Variants in KCNC2 observed in about 807,000 individuals in gnomAD.
KCNC2 encodes the protein potassium voltage-gated channel subfamily C member 2.
In KCNC2, 21 loss-of-function variants were observed where a neutral mutation model predicts 44.5. The ratio of observed to expected loss-of-function variants is 0.47; its 90% CI spans 0.33 to 0.68. The LOEUF is 0.68. KCNC2 is among the 30% of genes least tolerant of loss of function. The pLI, the probability that KCNC2 is intolerant of heterozygous loss-of-function variation, is 0.01. For synonymous variants in KCNC2, 391 were observed against 339.1 expected (o/e 1.15, Z -1.68); for missense variants, 589 against 826.2 (o/e 0.71, Z 3.52).
chr12:75,153,983 C>T (rs549044952), intron 2 of KCNC2, among the ~76,000 whole-genome samples: 1 of 151,860 alleles, frequency 6.6e-6, no homozygotes, highest in African/African-American at 2.4e-5. Flanking sequence ...ATTCTGCGTA[C>T]TTATTGAAAA....
chr12:75,100,051 G>A (rs1277669173), intron 2 of KCNC2, among the ~76,000 whole-genome samples: 1 of 152,056 alleles, frequency 6.6e-6, no homozygotes, highest in Admixed American at 6.6e-5. Context: ...CCTGAGTGGG[G>A]CTTTTACTCC....
At position 75,201,262 on chromosome 12, in the gene KCNC2, G is replaced by GAAAAAAA. The variant is rs1313998973; in HGVS notation, c.687+6028_687+6034dup. ...GGGCAGAAAGTTACAAACGAAATTGGAAAAAAAAAAAAAAAAAAAAAAAAA... is the reference window on the plus strand; with the variant it reads ...GGGCAGAAAGTTACAAACGAAATTGGAAAAAAAAAAAAAAAAAAAAAAAAAAAAAAAA... On this transcript the variant is annotated intron_variant, in intron 2 of 4. Transcript: ENST00000549446. Among the ~76,000 whole-genome samples the GAAAAAAA allele has an allele frequency of 2.1e-3, 39 of 18,462 alleles. 9 individuals carry two copies. Among genetic ancestry groups the GAAAAAAA allele is most frequent in the Non-Finnish European group, 3.2e-3 (32 of 9,910 alleles). 12.1% of individuals were successfully genotyped at this position (18,462 alleles called of 152,430 possible). A position where few individuals can be genotyped will look rare whatever the true frequency, so the allele number is the denominator to read the frequency against.
At chr12:75,065,221 C>T (rs192432685) in intron 2 of KCNC2, among the ~76,000 whole-genome samples, 17 of 152,070 alleles carry the variant, frequency 1.1e-4, no homozygotes, top group African/African-American at 4.1e-4. Flanking sequence ...AAGGGTAACA[C>T]AAGACAGAAT....
intron 2 of KCNC2, among the ~76,000 whole-genome samples, chr12:75,129,959 C>T (rs1888712136): frequency 6.6e-6 from 1 of 152,286 alleles, no homozygotes; most frequent in African/African-American, 2.4e-5. Context: ...CCATATAACA[C>T]TACCTGAATT....
chr12:75,134,233 TAAAA>T (rs929892048), intron 2 of KCNC2, among the ~76,000 whole-genome samples: 1 of 151,776 alleles, frequency 6.6e-6, no homozygotes. Context: ...TAAAAAAAGT[TAAAA>T]AAATTAAAGC....
At chr12:75,206,491 C>T (rs956721093) in intron 2 of KCNC2, among the ~76,000 whole-genome samples, 3 of 152,134 alleles carry the variant, frequency 2.0e-5, no homozygotes, top group African/African-American at 7.2e-5. Context: ...AACACTGAGG[C>T]TGAAATCACA....
intron 2 of KCNC2, among the ~76,000 whole-genome samples, chr12:75,204,513 A>AT (rs2031532899): frequency 6.6e-6 from 1 of 152,084 alleles, no homozygotes; most frequent in Non-Finnish European, 1.5e-5. Context: ...GAGAGTTAAA[A>AT]TTTTTTGTGT....
At chr12:75,202,814 A>G (rs1296642378) in intron 2 of KCNC2, among the ~76,000 whole-genome samples, 1 of 151,200 alleles carries the variant, frequency 6.6e-6, no homozygotes, top group African/African-American at 2.4e-5. Flanking sequence ...TTTTAGGAAA[A>G]TGTATTTTTA....
chr12:75,044,502 T>C (rs1002907629), intron 4 of KCNC2: 2 of 151,984 alleles, frequency 1.3e-5, no homozygotes, highest in African/African-American at 4.8e-5. Flanking sequence ...TTCAATCTTT[T>C]CATGGAACTT....
At chr12:75,088,622 A>G (rs909328200) in intron 2 of KCNC2, among the ~76,000 whole-genome samples, 2 of 151,970 alleles carry the variant, frequency 1.3e-5, no homozygotes, top group Non-Finnish European at 2.9e-5. Context: ...AACTTGGGTG[A>G]TAAATTATAT....
chr12:75,079,852 C>T (rs1345998648), intron 2 of KCNC2, among the ~76,000 whole-genome samples: 1 of 152,104 alleles, frequency 6.6e-6, no homozygotes, highest in Non-Finnish European at 1.5e-5. Context: ...GATAGCATGT[C>T]TCTTTGGTAC....
At chr12:75,130,117 C>A (rs1405698723) in intron 2 of KCNC2, among the ~76,000 whole-genome samples, 1 of 151,686 alleles carries the variant, frequency 6.6e-6, no homozygotes, top group African/African-American at 2.4e-5. Flanking sequence ...GGTCCTGTAC[C>A]CCAATCTAAA....
chr12:75,075,029 GATGAAAGTTTCATGTGGAGAAGTAGAGGA>G (rs1883792233), intron 2 of KCNC2, among the ~76,000 whole-genome samples: 1 of 152,122 alleles, frequency 6.6e-6, no homozygotes, highest in African/African-American at 2.4e-5. Context: ...TGCATTATCA[GATGAAAGTTTCATGTGGAGAAGTAGAGGA>G]ATGTGAGTCT....
intron 2 of KCNC2, among the ~76,000 whole-genome samples, chr12:75,142,026 G>C (rs1889692023): frequency 1.3e-5 from 2 of 152,260 alleles, no homozygotes; most frequent in South Asian, 4.1e-4. Context: ...AGCTACGCAA[G>C]TAGTAAGAGG....
chr12:75,156,689 G>T (rs997424564), intron 2 of KCNC2, among the ~76,000 whole-genome samples: 1 of 151,790 alleles, frequency 6.6e-6, no homozygotes, highest in African/African-American at 2.4e-5. Context: ...TTAACCTAGT[G>T]TCTTTCACAC....
intron 2 of KCNC2, among the ~76,000 whole-genome samples, chr12:75,062,812 A>G (rs1160768378): frequency 1.3e-5 from 2 of 151,696 alleles, no homozygotes; most frequent in East Asian, 3.9e-4. Flanking sequence ...TACATTTAAT[A>G]TTCTCTTGAG....
chr12:75,065,972 C>G (rs996559533), intron 2 of KCNC2, among the ~76,000 whole-genome samples: 39 of 151,886 alleles, frequency 2.6e-4, no homozygotes, highest in Admixed American at 2.0e-4. Flanking sequence ...CCAATTTGTA[C>G]CACTAAAAAA....
chr12:75,080,873 A>T (rs144878596), intron 2 of KCNC2, among the ~76,000 whole-genome samples: 1 of 152,010 alleles, frequency 6.6e-6, no homozygotes, highest in East Asian at 1.9e-4. Context: ...TTATATGACC[A>T]CTCTATGACA....
chr12:75,118,785 G>C lies in KCNC2; in HGVS notation c.688-67468C>G, dbSNP rs540034517. Among the ~76,000 whole-genome samples, 10 of 152,330 alleles carry C rather than the reference G, an allele frequency of 6.6e-5. 1 individual carries two copies. The highest frequency in any genetic ancestry group is 3.9e-4 in the East Asian group (2 of 5,184). On this transcript the variant is annotated intron_variant, in intron 2 of 4. Coordinates refer to ENST00000549446, the MANE Select transcript of KCNC2 (RefSeq NM_139137.4). ...CAGAAAAATCGGTTAAGGATTTAGT[G>C]CAGTAATCCAGGAGAGAGACTATGT...
Sources: gnomAD v4.1 joint callset for allele counts (sites outside exome capture counted in the v4.1 genomes callset) on GRCh38, gnomAD v4.1.1 for gene constraint, MANE v1.5 for transcripts, NCBI Gene and HGNC (gene_info 2026-07-23, HGNC 2026-07-21) for gene names.